The following SPPL2A variants were observed in gnomAD, a reference collection of about 807,000 sequenced individuals.
SPPL2A encodes signal peptide peptidase like 2A.
SPPL2A carries 51 observed loss-of-function variants against 63.8 expected under a neutral mutation model. The observed-to-expected ratio is 0.80, with a 90% CI of 0.64 to 1.01. The LOEUF (loss-of-function observed/expected upper bound fraction) is 1.01. Ranked by LOEUF, SPPL2A falls within the 50% of genes least tolerant of loss-of-function variation. SPPL2A has a pLI of 0.00. For missense variants in SPPL2A, 553 were observed against 622.7 expected, an observed-to-expected ratio of 0.89 and a Z score of 1.19; for synonymous variants, 188 against 205.8, an observed-to-expected ratio of 0.91 and a Z score of 0.74.
At chr15:50,720,470 T>G (rs185692194) in intron 13 of SPPL2A, among the ~76,000 whole-genome samples, 7 of 152,004 alleles carry the variant, frequency 4.6e-5, no homozygotes, top group Admixed American at 4.6e-4. Context: ...TAACACTGAT[T>G]ACATACTTCC....
chr15:50,736,168 G>A lies in SPPL2A; in HGVS notation c.865C>T (p.Leu289Phe). The change falls in exon 8 of 15, where the codon CTT becomes TTT. Residue 289 changes from leucine to phenylalanine, a missense_variant. Coordinates refer to ENST00000261854, the MANE Select transcript of SPPL2A (RefSeq NM_032802.4). ...ACRGKNMEVR[L>F]IFLSGLCIAV... ...ATGCACAGTCCAGAGAGAAAAATAAGTCTCACTTCCATGTTTTTGCCACGA... is the reference window on the plus strand; with the variant it reads ...ATGCACAGTCCAGAGAGAAAAATAAATCTCACTTCCATGTTTTTGCCACGA... The A allele has an allele frequency of 6.2e-7, 1 of 1,613,200 alleles. No homozygotes were observed. Among genetic ancestry groups the A allele is most frequent in the Non-Finnish European group, 8.5e-7 (1 of 1,179,558 alleles).
chr15:50,711,385 A>G (rs992242094), intron 14 of SPPL2A, among the ~76,000 whole-genome samples: 5 of 151,624 alleles, frequency 3.3e-5, no homozygotes, highest in African/African-American at 1.2e-4. Context: ...AATTTTTTGT[A>G]TTTTTAGTAG....
intron 10 of SPPL2A, among the ~76,000 whole-genome samples, 181 bp downstream of exon 10, chr15:50,730,784 T>TA (rs2141034311): frequency 6.6e-6 from 1 of 152,372 alleles, no homozygotes; most frequent in South Asian, 2.1e-4. Context: ...AGAGACATTT[T>TA]AAAATCTAAC....
At chr15:50,753,151 A>G (rs2062924208) in intron 1 of SPPL2A, among the ~76,000 whole-genome samples, 1 of 152,206 alleles carries the variant, frequency 6.6e-6, no homozygotes, top group Admixed American at 6.6e-5. Flanking sequence ...ATCTATTTCT[A>G]GAAACAGAAG....
At chr15:50,716,375 A>T (rs2062598956) in intron 14 of SPPL2A, among the ~76,000 whole-genome samples, 2 of 151,828 alleles carry the variant, frequency 1.3e-5, no homozygotes, top group African/African-American at 4.8e-5. Flanking sequence ...TTGCATTTTT[A>T]GTAGAGATGA....
intron 1 of SPPL2A, among the ~76,000 whole-genome samples, chr15:50,762,851 G>A (rs1427728971): frequency 6.6e-6 from 1 of 150,956 alleles, no homozygotes; most frequent in Non-Finnish European, 1.5e-5. Context: ...TTCCGCCTCA[G>A]CCTCCCAAGT....
In SPPL2A at chr15:50,732,671, A is replaced by C; in HGVS notation, c.946T>G (p.Leu316Val). 6.2e-7 allele frequency: 1 copy of C among 1,609,866 alleles called. No individual in the cohort carries two copies. The highest frequency in any genetic ancestry group is 8.5e-7 in the Non-Finnish European group (1 of 1,176,854). The change falls in exon 9 of 15, where the codon TTA becomes GTA. Residue 316 changes from leucine to valine, a missense_variant. Transcript: ENST00000261854. Reference protein sequence around the residue: ...FRNEDRWAWILQDILGIAFCL... With the variant: ...FRNEDRWAWIVQDILGIAFCL... Reference sequence around the variant, plus strand: ...AAAGCAATCCCCAAGATATCCTGTAAAATCCAAGCCCACCTAAAATCAAAA... The same window carrying C: ...AAAGCAATCCCCAAGATATCCTGTACAATCCAAGCCCACCTAAAATCAAAA...
At chr15:50,717,968 G>GTTTTTTTTTTTTTTTTTTT (rs57049574) in intron 14 of SPPL2A, among the ~76,000 whole-genome samples, 1 of 91,650 alleles carries the variant, frequency 1.1e-5, no homozygotes, top group Non-Finnish European at 2.1e-5. Flanking sequence ...TGTAACTTTC[G>GTTTTTTTTTTTTTTTTTTT]TTTTTTTTTT....
At chr15:50,742,288 G>A (rs184537903) in intron 5 of SPPL2A, among the ~76,000 whole-genome samples, 119 of 152,108 alleles carry the variant, frequency 7.8e-4, no homozygotes, top group African/African-American at 2.6e-3. Context: ...TGCATGGGAG[G>A]CTGAGGCAGG....
At chr15:50,709,887 G>T (rs1475900747) in intron 14 of SPPL2A, among the ~76,000 whole-genome samples, 1 of 152,046 alleles carries the variant, frequency 6.6e-6, no homozygotes, top group African/African-American at 2.4e-5. Flanking sequence ...AATTGCCAAA[G>T]ATATCCCCTA....
intron 10 of SPPL2A, among the ~76,000 whole-genome samples, chr15:50,728,046 A>G (rs1480284344): frequency 1.3e-5 from 2 of 152,236 alleles, no homozygotes; most frequent in Non-Finnish European, 2.9e-5. Flanking sequence ...ATTCTGAAAC[A>G]TTCTATGTAT....
At chr15:50,727,943 G>A (rs1200527271) in intron 10 of SPPL2A, among the ~76,000 whole-genome samples, 1 of 152,092 alleles carries the variant, frequency 6.6e-6, no homozygotes, top group Non-Finnish European at 1.5e-5. Flanking sequence ...CTAGTCAGTA[G>A]GAACTAAGAT....
intron 12 of SPPL2A, 74 bp from the exon 13 acceptor site, chr15:50,722,275 GTA>G (rs1421529148): frequency 6.0e-6 from 5 of 835,634 alleles, no homozygotes; most frequent in African/African-American, 5.1e-5. Context: ...ACAATAGTAA[GTA>G]TATGTTATAT....
intron 11 of SPPL2A, chr15:50,725,862 C>T (rs888832850): frequency 3.7e-6 from 1 of 267,250 alleles, no homozygotes; most frequent in African/African-American, 2.2e-5. Flanking sequence ...GCTCAACACA[C>T]ATGTAGGATT....
chr15:50,756,741 A>G (rs2062960807), intron 1 of SPPL2A, among the ~76,000 whole-genome samples: 2 of 152,096 alleles, frequency 1.3e-5, no homozygotes, highest in South Asian at 4.1e-4. Flanking sequence ...ATCATTTAAG[A>G]GGTAGAAGGG....
rs1491091833 is a variant in SPPL2A, at chr15:50,703,357, T to TATA, written c.*4442_*4443insTAT. ...ATATATATATATATACATATATATA[T>TATA]TTTTTTTTTTTTTTTTTTTTTTTGA... On this transcript the variant is annotated 3_prime_UTR_variant, in exon 15 of 15. Transcript: ENST00000261854. 14 of 58,046 alleles carry TATA rather than the reference T, an allele frequency of 2.4e-4. 1 individual carries two copies. The highest frequency in any genetic ancestry group is 1.5e-3 in the East Asian group (3 of 1,988). 3.6% of individuals were successfully genotyped at this position (58,046 alleles called of 1,614,324 possible).
At chr15:50,742,502 T>G (rs2062830467) in intron 5 of SPPL2A, among the ~76,000 whole-genome samples, 1 of 152,188 alleles carries the variant, frequency 6.6e-6, no homozygotes, top group Admixed American at 6.6e-5. Context: ...TTTTGGGTTG[T>G]GAGGTCCTGT....
chr15:50,715,795 A>T (rs1351087610), intron 14 of SPPL2A, among the ~76,000 whole-genome samples: 3 of 152,220 alleles, frequency 2.0e-5, no homozygotes, highest in Admixed American at 6.5e-5. Context: ...ATATTAACCT[A>T]CAAGACATTA....
At chr15:50,734,405 C>G (rs1268266500) in intron 8 of SPPL2A, among the ~76,000 whole-genome samples, 1 of 151,968 alleles carries the variant, frequency 6.6e-6, no homozygotes, top group Non-Finnish European at 1.5e-5. Flanking sequence ...TGAAATAAGC[C>G]AAGCACGGAA....
Sources: gnomAD v4.1 joint callset for allele counts (sites outside exome capture counted in the v4.1 genomes callset) on GRCh38, gnomAD v4.1.1 for gene constraint, MANE v1.5 for transcripts, NCBI Gene and HGNC (gene_info 2026-07-23, HGNC 2026-07-21) for gene names.